NTRK1: variants seen among roughly 807,000 people sequenced by gnomAD.
NTRK1 encodes high affinity nerve growth factor receptor.
A neutral mutation model predicts 86.8 loss-of-function variants in NTRK1; 62 were observed. The ratio of observed to expected loss-of-function variants is 0.71; its 90% CI spans 0.58 to 0.88. NTRK1 has a LOEUF of 0.88. Ranked by LOEUF, NTRK1 falls within the 40% of genes least tolerant of loss-of-function variation. The pLI is 0.00. For synonymous variants in NTRK1, 469 were observed against 456.6 expected, an observed-to-expected ratio of 1.03 and a Z score of -0.35; for missense variants, 967 against 1,078.4, an observed-to-expected ratio of 0.90 and a Z score of 1.45.
At chr1:156,829,712 G>T (rs1416299501) in intron 1 of NTRK1, among the ~76,000 whole-genome samples, 2 of 152,152 alleles carry the variant, frequency 1.3e-5, no homozygotes, top group Non-Finnish European at 2.9e-5. Context: ...GAGTGCAGTG[G>T]CACGATCTCG....
At chr1:156,847,921 C>T (rs898978414) in intron 2 of NTRK1, among the ~76,000 whole-genome samples, 16 of 152,090 alleles carry the variant, frequency 1.1e-4, no homozygotes, top group African/African-American at 3.6e-4. Flanking sequence ...GTGCACAAGC[C>T]GGGGAGCTGG....
In NTRK1 at chr1:156,874,629, G is replaced by A. The variant is rs1248344643; in HGVS notation, c.1251+3G>A. On this transcript the variant is annotated splice_donor_region_variant and intron_variant, in intron 10 of 16. Coordinates refer to ENST00000524377, the MANE Select transcript of NTRK1 (RefSeq NM_002529.4). ...AGAAGGACGAAACACCTTTTGGGGT[G>A]AGATAGGAAGTAGAAGCTTGTGCAG... 1.2e-6 allele frequency: 2 copies of A among 1,613,106 alleles called. No homozygotes were observed. The highest frequency in any genetic ancestry group is 4.5e-5 in the East Asian group (2 of 44,848).
Position 156,841,566 on chromosome 1 carries a change from C to CA in NTRK1, c.-63-515_-63-514insA, listed in dbSNP as rs546911132. 1.6e-5 allele frequency: 26 copies of CA among 1,613,506 alleles called. No homozygotes were observed. The East Asian group carries it at 5.6e-4, about 35-fold the overall frequency. ...AGGAGCTCCTGAGCCCAGCACCCTT[C>CA]GTGCTACTCAGTGCATTCCAAGGGA... On this transcript the variant is annotated intron_variant, in intron 1 of 16. Transcript: ENST00000392302.
intron 2 of NTRK1, among the ~76,000 whole-genome samples, chr1:156,853,473 A>G: frequency 6.6e-6 from 1 of 151,366 alleles, no homozygotes; most frequent in East Asian, 1.9e-4. Context: ...TGCGCTGCCT[A>G]CTCTCTGTTC....
At chr1:156,843,134 C>T (rs1188702401) in intron 2 of NTRK1, 22 of 1,614,012 alleles carry the variant, frequency 1.4e-5, no homozygotes, top group South Asian at 2.2e-5. Flanking sequence ...CTCAAGTCCT[C>T]GTGCCAGCCC....
intron 1 of NTRK1, among the ~76,000 whole-genome samples, chr1:156,822,771 T>C (rs1654222267): frequency 6.6e-6 from 1 of 152,138 alleles, no homozygotes; most frequent in Non-Finnish European, 1.5e-5. Flanking sequence ...CAGACCTTCG[T>C]TGCTAAAAGG....
chr1:156,857,163 ATGTGTGTGTGTGTG>A (rs57324546), upstream of NTRK1, among the ~76,000 whole-genome samples: 6,074 of 130,612 alleles, frequency 0.047, 137 homozygotes, highest in Non-Finnish European at 0.068. Flanking sequence ...GCAGCTGTGT[ATGTGTGTGTGTGTG>A]TGTGTGTGTG....
At chr1:156,844,233 C>G (rs1558084914) in intron 2 of NTRK1, 31 of 1,613,972 alleles carry the variant, frequency 1.9e-5, no homozygotes, top group Non-Finnish European at 2.6e-5. Context: ...GTGAGCCCCA[C>G]AGGGGTGGCA....
In NTRK1 at chr1:156,864,380, A is replaced by G. The variant is rs55891455; in HGVS notation, c.239A>G (p.Gln80Arg). The G allele has an allele frequency of 1.4e-5, 22 of 1,614,166 alleles. No homozygotes were observed. Among genetic ancestry groups the G allele is most frequent in the East Asian group, 1.3e-4 (6 of 44,870 alleles). ...ELYIENQQHL[Q>R]HLELRDLRGL... ...TACATCGAGAACCAGCAGCATCTGC[A>G]GCATCTGGAGCTCCGTGATCTGAGG... Residue 80 changes from glutamine to arginine, a missense_variant, in exon 2 of 17, where the codon CAG (glutamine) becomes CGG (arginine). Coordinates refer to ENST00000524377, the MANE Select transcript of NTRK1 (RefSeq NM_002529.4).
intron 2 of NTRK1, among the ~76,000 whole-genome samples, chr1:156,849,997 G>T (rs1431554724): frequency 2.0e-5 from 3 of 151,904 alleles, no homozygotes; most frequent in Non-Finnish European, 4.4e-5. Flanking sequence ...TGACCTCCCG[G>T]GCTCAGGTGA....
At chr1:156,841,125 G>A in intron 1 of NTRK1, 5 of 1,533,786 alleles carry the variant, frequency 3.3e-6, no homozygotes, top group Non-Finnish European at 4.4e-6. Flanking sequence ...TGGGGAGCAG[G>A]GTCAGAGGCA....
rs183503843 is a variant in NTRK1 at position 156,878,474 on chromosome 1, A to G, written c.1806-648A>G. ...TTGGCACACTGGAAATGTTTAACAA[A>G]TGCCTCAACTAAACAAATGAGGAGA... On this transcript the variant is annotated intron_variant, in intron 14 of 16. Transcript: ENST00000524377. Among the ~76,000 whole-genome samples, 9 of 152,342 alleles carry G rather than the reference A, an allele frequency of 5.9e-5. No individual in the cohort carries two copies. The East Asian group carries it at 1.7e-3, about 29-fold the overall frequency.
At chr1:156,851,578 G>A (rs1263871738) in intron 2 of NTRK1, 3 of 1,610,932 alleles carry the variant, frequency 1.9e-6, no homozygotes. Context: ...TTGGGTCATT[G>A]TAAGGGTTGT....
At chr1:156,838,544 A>G (rs1654658647) in intron 1 of NTRK1, among the ~76,000 whole-genome samples, 2 of 152,186 alleles carry the variant, frequency 1.3e-5, no homozygotes, top group African/African-American at 4.8e-5. Flanking sequence ...CTCAGGAGAC[A>G]TATTTTCCCT....
At chr1:156,826,951 G>A (rs939254154) in intron 1 of NTRK1, among the ~76,000 whole-genome samples, 4 of 152,172 alleles carry the variant, frequency 2.6e-5, no homozygotes, top group African/African-American at 9.7e-5. Flanking sequence ...TACTCTTCCT[G>A]TATCTATTTA....
chr1:156,877,144 C>T (rs1157346310), intron 14 of NTRK1, among the ~76,000 whole-genome samples: 1 of 152,134 alleles, frequency 6.6e-6, no homozygotes, highest in African/African-American at 2.4e-5. Flanking sequence ...CCTTAGCCTC[C>T]CCAGTAGCTG....
upstream of NTRK1, among the ~76,000 whole-genome samples, chr1:156,857,019 G>A (rs528755823): frequency 6.6e-6 from 1 of 152,076 alleles, no homozygotes; most frequent in African/African-American, 2.4e-5. Context: ...AACACCACAT[G>A]CCACATGCCA....
intron 2 of NTRK1, chr1:156,851,965 G>A: frequency 6.2e-7 from 1 of 1,608,590 alleles, no homozygotes; most frequent in Admixed American, 1.7e-5. Context: ...TGGAGGCACG[G>A]CCGGGCACAG....
upstream of NTRK1, among the ~76,000 whole-genome samples, chr1:156,856,234 T>C (rs1020191120): frequency 6.6e-6 from 1 of 152,170 alleles, no homozygotes; most frequent in Non-Finnish European, 1.5e-5. Flanking sequence ...ATAATTCATG[T>C]TGTACCCTAG....
Sources: allele counts gnomAD v4.1 joint callset (sites outside exome capture counted in the v4.1 genomes callset), GRCh38; gene constraint gnomAD v4.1.1; transcripts MANE v1.5; gene names NCBI Gene and HGNC (gene_info 2026-07-23, HGNC 2026-07-21).